The following NDUFS2 variants were observed in gnomAD, a reference collection of about 807,000 sequenced individuals.
NDUFS2 encodes NADH:ubiquinone oxidoreductase core subunit S2, also known as NADH dehydrogenase [ubiquinone] iron-sulfur protein 2, mitochondrial.
Under a neutral mutation model 69.6 loss-of-function variants are expected in NDUFS2, and 38 were observed. The ratio of observed to expected loss-of-function variants is 0.55; its 90% CI spans 0.42 to 0.72. NDUFS2 has a LOEUF of 0.72. NDUFS2 is among the 30% of genes least tolerant of loss of function. NDUFS2 has a pLI of 0.00. For missense variants in NDUFS2, 468 were observed against 595.0 expected (o/e 0.79, Z 2.22); for synonymous variants, 194 against 211.2 (o/e 0.92, Z 0.70).
At chr1:161,210,565 C>A in intron 8 of NDUFS2, 26 bp from the exon 9 acceptor site, 1 of 1,614,006 alleles carries the variant, frequency 6.2e-7, no homozygotes, top group Non-Finnish European at 8.5e-7. Flanking sequence ...GGAGAGTGGC[C>A]CTTATTCCCA....
chr1:161,212,664 A>G, intron 10 of NDUFS2, 184 bp downstream of exon 10: 1 of 641,430 alleles, frequency 1.6e-6, no homozygotes, highest in Non-Finnish European at 2.5e-6. Context: ...GGTTCAAGCA[A>G]TTCTTCTGCC....
rs182108891 is a variant in NDUFS2 at position 161,203,133 on chromosome 1, C to A, written c.96-304C>A. Among the ~76,000 whole-genome samples, 7 of 152,064 alleles carry A rather than the reference C, an allele frequency of 4.6e-5. No individual in the cohort carries two copies. In the East Asian group the frequency reaches 1.4e-3, roughly 29 times the overall value. ...ACCATCCTGACCAAAATGGAGAAAC[C>A]CCCGTCTTTAAAAAAATACAAAATT... On this transcript the variant is annotated intron_variant, in intron 1 of 13. Transcript: ENST00000676972.
rs1665596287 is a variant in NDUFS2 at position 161,208,437 on chromosome 1, A to C, written c.394-756A>C. Among the ~76,000 whole-genome samples, 3 of 151,898 alleles carry C rather than the reference A, an allele frequency of 2.0e-5. No individual in the cohort carries two copies. The South Asian group carries it at 6.2e-4, about 32-fold the overall frequency. ...TGCCTCAGCCTCCCAAGTAGCTGGGATTACAGGCATGCACCACCACGCCCT... is the reference window on the plus strand; with the variant it reads ...TGCCTCAGCCTCCCAAGTAGCTGGGCTTACAGGCATGCACCACCACGCCCT... On this transcript the variant is annotated intron_variant, in intron 3 of 13. Coordinates refer to ENST00000676972, the MANE Select transcript of NDUFS2 (RefSeq NM_001377299.1).
chr1:161,210,939 A>G (rs1343365695), intron 9 of NDUFS2, among the ~76,000 whole-genome samples: 1 of 152,084 alleles, frequency 6.6e-6, no homozygotes, highest in East Asian at 1.9e-4. Flanking sequence ...CAATGGTGCA[A>G]TCTCGGCTCA....
At chr1:161,198,716 C>T, upstream of NDUFS2, 1 of 1,288,056 alleles carries the variant, frequency 7.8e-7, no homozygotes. The surrounding 1 kb of genome is among the most constrained non-coding windows in gnomAD (Gnocchi z 4.7). Flanking sequence ...TCTCTGTAGC[C>T]TGGGGGCTTG....
chr1:161,209,381 C>G (rs551000913), intron 4 of NDUFS2, 68 bp downstream of exon 4: 2 of 1,612,308 alleles, frequency 1.2e-6, no homozygotes, highest in South Asian at 1.1e-5. Flanking sequence ...ACCACTTCCC[C>G]GTTGAACCCA....
upstream of NDUFS2, chr1:161,197,853 C>T (rs1307485471): frequency 1.3e-5 from 17 of 1,302,374 alleles, no homozygotes; most frequent in South Asian, 1.6e-5. Flanking sequence ...AGAAAGGAGG[C>T]TCATGGAGAA....
At chr1:161,207,039 G>T (rs138895165) in intron 3 of NDUFS2, among the ~76,000 whole-genome samples, 1 of 152,086 alleles carries the variant, frequency 6.6e-6, no homozygotes, top group African/African-American at 2.4e-5. Context: ...ACTCAGAGAG[G>T]GTTTATGACA....
At chr1:161,206,744 G>A (rs189308524) in intron 3 of NDUFS2, 147 bp downstream of exon 3, 58 of 811,028 alleles carry the variant, frequency 7.2e-5, no homozygotes, top group Non-Finnish European at 1.0e-4. Flanking sequence ...GTGGATGGAG[G>A]GAAGTGGCAG....
rs146036998 is a variant in NDUFS2 at position 161,204,478 on chromosome 1, T to C, written c.202+935T>C. ...GATTTATCTTGTATTAGACCCTGATTATTTTAGGAGTCTATTCACTGAGTT... is the reference window on the plus strand; with the variant it reads ...GATTTATCTTGTATTAGACCCTGATCATTTTAGGAGTCTATTCACTGAGTT... On this transcript the variant is annotated intron_variant, in intron 2 of 13. Transcript: ENST00000676972. 1.5e-3 allele frequency among the ~76,000 whole-genome samples: 227 copies of C among 152,352 alleles called. 1 individual carries two copies. The highest frequency in any genetic ancestry group is 5.1e-3 in the African/African-American group (214 of 41,584).
intron 2 of NDUFS2, among the ~76,000 whole-genome samples, chr1:161,205,766 C>CAA (rs1181181075): frequency 2.4e-4 from 20 of 82,480 alleles, no homozygotes; most frequent in Non-Finnish European, 3.9e-4. Flanking sequence ...GACTCTGTCT[C>CAA]AAAAAAAAAA....
intron 10 of NDUFS2, 57 bp downstream of exon 10, chr1:161,212,537 A>G (rs1571621596): frequency 6.3e-7 from 1 of 1,594,688 alleles, no homozygotes; most frequent in African/African-American, 1.3e-5. Flanking sequence ...GTGGCTGGGG[A>G]GGAGTATCCT....
At chr1:161,208,258 A>G (rs1665584730) in intron 3 of NDUFS2, among the ~76,000 whole-genome samples, 2 of 151,766 alleles carry the variant, frequency 1.3e-5, no homozygotes, top group South Asian at 4.2e-4. Flanking sequence ...TGCTGGGATT[A>G]CAGGTGTGAG....
intron 9 of NDUFS2, 101 bp downstream of exon 9, chr1:161,210,811 G>A (rs750245440): frequency 5.1e-6 from 8 of 1,558,182 alleles, no homozygotes; most frequent in Non-Finnish European, 7.0e-6. Context: ...CAGTGTCTGT[G>A]GGAGCTCTTG....
At chr1:161,203,988 A>G (rs555436344) in intron 2 of NDUFS2, among the ~76,000 whole-genome samples, 16 of 152,214 alleles carry the variant, frequency 1.1e-4, no homozygotes, top group Admixed American at 2.0e-4. Context: ...ACGAAATTCA[A>G]CAGACATAAT....
chr1:161,201,457 A>T (rs1665116390), upstream of NDUFS2, among the ~76,000 whole-genome samples: 1 of 152,224 alleles, frequency 6.6e-6, no homozygotes, highest in Non-Finnish European at 1.5e-5. Context: ...GCTTAGAGGC[A>T]GAGGGAGAAA....
In NDUFS2 at chr1:161,206,616, A is replaced by C; in HGVS notation, c.393+19A>C. On this transcript the variant is annotated intron_variant, in intron 3 of 13. Coordinates refer to ENST00000676972, the MANE Select transcript of NDUFS2 (RefSeq NM_001377299.1). ...TCTTCAGGTGTGGGGGGTGAACAGG[A>C]GCCTTTTGGCGGGATCTGGGGTTGC... 1.2e-6 allele frequency: 2 copies of C among 1,611,766 alleles called. No homozygotes were observed. Among genetic ancestry groups the C allele is most frequent in the Non-Finnish European group, 1.7e-6 (2 of 1,179,562 alleles).
At chr1:161,212,978 C>G (rs1204763316) in intron 10 of NDUFS2, 1 of 291,468 alleles carries the variant, frequency 3.4e-6, no homozygotes, top group Non-Finnish European at 6.7e-6. Context: ...GATCTTGGCT[C>G]TCTGCAACCA....
At chr1:161,204,882 C>T (rs1365337280) in intron 2 of NDUFS2, among the ~76,000 whole-genome samples, 1 of 152,086 alleles carries the variant, frequency 6.6e-6, no homozygotes. Context: ...GAAACCCCGC[C>T]TCTACTAAAA....
Sources: gnomAD v4.1 joint callset for allele counts (sites outside exome capture counted in the v4.1 genomes callset) on GRCh38, gnomAD v4.1.1 for gene constraint, Gnocchi (gnomAD v3.1) non-coding constraint, MANE v1.5 for transcripts, NCBI Gene and HGNC (gene_info 2026-07-23, HGNC 2026-07-21) for gene names.